Variants in CACNA1E observed in about 807,000 individuals in gnomAD.
CACNA1E encodes voltage-dependent R-type calcium channel subunit alpha-1E.
Under a neutral mutation model 259.2 loss-of-function variants are expected in CACNA1E, and 40 were observed. The ratio of observed to expected loss-of-function variants is 0.15; its 90% CI spans 0.12 to 0.20. The LOEUF (loss-of-function observed/expected upper bound fraction) is 0.20. Ranked by LOEUF, CACNA1E falls within the 10% of genes least tolerant of loss-of-function variation. CACNA1E has a pLI of 1.00. For synonymous variants in CACNA1E, 1,104 were observed against 1,138.5 expected (o/e 0.97, Z 0.61); for missense variants, 1,874 against 3,040.1 (o/e 0.62, Z 9.02).
At chr1:181,410,898 C>T (rs990347452) in intron 1 of CACNA1E, among the ~76,000 whole-genome samples, 1 of 152,162 alleles carries the variant, frequency 6.6e-6, no homozygotes, top group Middle Eastern at 3.2e-3. Flanking sequence ...CCAGGGAAGG[C>T]GGGGTGGGAG....
intron 1 of CACNA1E, among the ~76,000 whole-genome samples, chr1:181,388,076 A>C (rs1313558750): frequency 6.6e-6 from 1 of 152,160 alleles, no homozygotes; most frequent in Non-Finnish European, 1.5e-5. Flanking sequence ...TCCTGTGGTC[A>C]CCTTGGCCGA....
At chr1:181,796,573 C>T in intron 46 of CACNA1E, 95 bp from the exon 47 acceptor site, 2 of 941,010 alleles carry the variant, frequency 2.1e-6, no homozygotes, top group Non-Finnish European at 3.1e-6. Context: ...GGGCCCAACC[C>T]CAGGCTGTGA....
chr1:181,603,203 A>G (rs1477762980), intron 6 of CACNA1E, among the ~76,000 whole-genome samples: 2 of 152,232 alleles, frequency 1.3e-5, no homozygotes, highest in Non-Finnish European at 2.9e-5. Context: ...CACAGAGCAC[A>G]TATTATATGC....
rs189618868 is a variant in CACNA1E at position 181,487,062 on chromosome 1, T to C, written c.266+3052T>C. 1.6e-3 allele frequency among the ~76,000 whole-genome samples: 236 copies of C among 152,194 alleles called. 3 individuals carry two copies. The Middle Eastern group carries it at 0.041, about 26-fold the overall frequency. On this transcript the variant is annotated intron_variant, in intron 1 of 47. Transcript: ENST00000367573. ...TTTTAAGAAAGGAAGGTTGTTCAGT[T>C]GTTCAGAAAACATGTCAAGACCTGC...
chr1:181,362,219 A>G (rs1052009804), intron 1 of CACNA1E, among the ~76,000 whole-genome samples: 2 of 152,188 alleles, frequency 1.3e-5, no homozygotes, highest in African/African-American at 4.8e-5. Context: ...CTTTGTCCCA[A>G]TCATGAGCAC....
intron 6 of CACNA1E, among the ~76,000 whole-genome samples, chr1:181,610,786 G>A (rs954571021): frequency 6.6e-5 from 10 of 152,150 alleles, no homozygotes; most frequent in African/African-American, 2.4e-4. Context: ...TCAGCCCCAT[G>A]CACAACAGCA....
At chr1:181,552,746 C>G (rs1384137734) in intron 3 of CACNA1E, among the ~76,000 whole-genome samples, 1 of 152,166 alleles carries the variant, frequency 6.6e-6, no homozygotes, top group Non-Finnish European at 1.5e-5. Context: ...CACCTATTGA[C>G]CCATCCTCTA....
intron 1 of CACNA1E, among the ~76,000 whole-genome samples, chr1:181,406,511 T>C (rs1657474737): frequency 6.6e-6 from 1 of 152,138 alleles, no homozygotes; most frequent in African/African-American, 2.4e-5. Context: ...ATTCTCTGCC[T>C]CAGCCTCCTG....
intron 6 of CACNA1E, among the ~76,000 whole-genome samples, chr1:181,643,930 T>C (rs770980604): frequency 7.9e-5 from 12 of 152,288 alleles, no homozygotes; most frequent in Non-Finnish European, 1.8e-4. Context: ...GTGGGGAGAC[T>C]TAGTATGTTT....
chr1:181,513,699 A>C (rs948977895), intron 3 of CACNA1E, among the ~76,000 whole-genome samples: 13 of 152,158 alleles, frequency 8.5e-5, no homozygotes, highest in African/African-American at 3.1e-4. Flanking sequence ...GGGTTGCTAC[A>C]TGGTTGTTGA....
At chr1:181,609,798 C>G (rs1333775132) in intron 6 of CACNA1E, among the ~76,000 whole-genome samples, 1 of 152,192 alleles carries the variant, frequency 6.6e-6, no homozygotes, top group Non-Finnish European at 1.5e-5. Context: ...TAAACTAAGG[C>G]TGAACATGAG....
rs1013161252 is a variant in CACNA1E at position 181,483,832 on chromosome 1, G to C, written c.88G>C (p.Val30Leu). 1 of 1,613,628 alleles carries C rather than the reference G, an allele frequency of 6.2e-7. No individual in the cohort carries two copies. Among genetic ancestry groups the C allele is most frequent in the African/African-American group, 1.3e-5 (1 of 74,986 alleles). The change falls in exon 1 of 48, where the codon GTG becomes CTG. Residue 30 changes from valine (V) to leucine (L), a missense_variant. Val to Leu is a conservative substitution (Grantham distance 32). Around this residue, in one of 14 missense-constraint regions of CACNA1E, gnomAD observed 110 missense variants for 122.8 expected, o/e 0.90. Transcript: ENST00000367573. ...GAGCAGGAACCGGCAAGGAACCCCC[G>C]TGCCGGCCTCGGGGCAGGCGGCCGC... Reference protein sequence around the residue: ...DQSRNRQGTPVPASGQAAAYK... With the variant: ...DQSRNRQGTPLPASGQAAAYK...
chr1:181,335,778 G>T (rs185926413), intron 1 of CACNA1E, among the ~76,000 whole-genome samples: 40 of 152,298 alleles, frequency 2.6e-4, no homozygotes, highest in African/African-American at 7.0e-4. Flanking sequence ...GACACTTCAG[G>T]TTCCTGCTGG....
At chr1:181,521,202 T>C (rs1666970498) in intron 3 of CACNA1E, among the ~76,000 whole-genome samples, 1 of 152,202 alleles carries the variant, frequency 6.6e-6, no homozygotes, top group South Asian at 2.1e-4. Flanking sequence ...GGTGGCTGCT[T>C]CACATGTCAG....
intron 3 of CACNA1E, among the ~76,000 whole-genome samples, chr1:181,519,941 C>G (rs1209700064): frequency 6.6e-6 from 1 of 152,118 alleles, no homozygotes; most frequent in Non-Finnish European, 1.5e-5. Flanking sequence ...TGTAACCCAT[C>G]TCAGCTTGGC....
At chr1:181,372,828 A>ATATATATTT (rs1491221060) in intron 1 of CACNA1E, among the ~76,000 whole-genome samples, 8 of 101,640 alleles carry the variant, frequency 7.9e-5, no homozygotes, top group African/African-American at 2.3e-4. Flanking sequence ...ATATATATAT[A>ATATATATTT]TTTTTTTTTT....
chr1:181,730,427 G>A (rs115885296), intron 18 of CACNA1E, among the ~76,000 whole-genome samples: 126 of 152,302 alleles, frequency 8.3e-4, no homozygotes, highest in African/African-American at 2.7e-3. Context: ...CAGTTCATAC[G>A]TTGCCATTCT....
At chr1:181,473,529 C>T (rs1442579410) in intron 2 of CACNA1E, among the ~76,000 whole-genome samples, 1 of 152,090 alleles carries the variant, frequency 6.6e-6, no homozygotes, top group Non-Finnish European at 1.5e-5. Context: ...TTTGGTTTAT[C>T]AGTAGCCCCA....
chr1:181,528,327 C>T (rs1293110845), intron 3 of CACNA1E, among the ~76,000 whole-genome samples: 3 of 146,662 alleles, frequency 2.0e-5, no homozygotes, highest in Non-Finnish European at 4.5e-5. Context: ...ATTCTGAGGC[C>T]TCCCCAGCCA....
Sources: allele counts gnomAD v4.1 joint callset (sites outside exome capture counted in the v4.1 genomes callset), GRCh38; gene constraint gnomAD v4.1.1; regional missense constraint gnomAD v4.1.1; transcripts MANE v1.5; gene names NCBI Gene and HGNC (gene_info 2026-07-23, HGNC 2026-07-21).